Variants in TAF1 observed in about 807,000 individuals in gnomAD.
TAF1 encodes the protein transcription initiation factor TFIID subunit 1.
A neutral mutation model predicts 138.5 loss-of-function variants in TAF1; 2 were observed. The observed-to-expected ratio is 0.01, with a 90% CI of 0.01 to 0.05. The LOEUF (loss-of-function observed/expected upper bound fraction) is 0.05. Ranked by LOEUF, TAF1 falls within the 10% of genes least tolerant of loss-of-function variation. The pLI is 1.00. For synonymous variants in TAF1, 437 were observed against 503.2 expected (o/e 0.87, Z 1.76); for missense variants, 709 against 1,478.0 (o/e 0.48, Z 8.53).
chrX:71,525,691 C>T (rs1321699382), intron 13 of TAF1, among the ~76,000 whole-genome samples: 1 of 109,069 alleles, frequency 9.2e-6, no homozygotes, highest in Admixed American at 9.8e-5. Context: ...CTTGCTTGGT[C>T]GCCCAGGCTG....
At chrX:71,407,210 G>A (rs2148482863) in intron 26 of TAF1, among the ~76,000 whole-genome samples, 1 of 103,461 alleles carries the variant, frequency 9.7e-6, no homozygotes, top group Non-Finnish European at 2.0e-5. Flanking sequence ...ACCGTGCTCG[G>A]CAGATTTTTT....
chrX:71,443,022 A>T (rs2037506996), intron 32 of TAF1, among the ~76,000 whole-genome samples: 1 of 110,929 alleles, frequency 9.0e-6, no homozygotes, highest in Non-Finnish European at 1.9e-5. Flanking sequence ...ATTGGTCTGT[A>T]TCTGTTTTGG....
intron 28 of TAF1, among the ~76,000 whole-genome samples, chrX:71,412,081 A>G (rs987452102): frequency 2.8e-5 from 3 of 105,864 alleles, no homozygotes; most frequent in Admixed American, 1.0e-4. Context: ...CAGTTTTAAC[A>G]TGTCATCCAT....
chrX:71,434,976 A>T (rs1569343945), intron 32 of TAF1, among the ~76,000 whole-genome samples: 2 of 112,763 alleles, frequency 1.8e-5, no homozygotes, highest in Non-Finnish European at 3.7e-5. Flanking sequence ...CTGTGGCTAT[A>T]TCACCCTAAA....
At chrX:71,460,002 G>C (rs2038480813) in intron 36 of TAF1, among the ~76,000 whole-genome samples, 1 of 112,313 alleles carries the variant, frequency 8.9e-6, no homozygotes, top group Admixed American at 9.4e-5. Flanking sequence ...ACTTTGGGAA[G>C]CCAAGGTAGG....
intron 13 of TAF1, among the ~76,000 whole-genome samples, chrX:71,473,490 T>C (rs1427225401): frequency 9.1e-6 from 1 of 110,274 alleles, no homozygotes; most frequent in Non-Finnish European, 1.9e-5. Context: ...ATAGTGAGAA[T>C]ACATCTCTTA....
intron 13 of TAF1, among the ~76,000 whole-genome samples, chrX:71,512,696 T>C (rs972599442): frequency 9.0e-6 from 1 of 111,154 alleles, no homozygotes; most frequent in South Asian, 3.9e-4. Context: ...CTCATGACTG[T>C]AGTCCCAGCT....
chrX:71,530,514 G>A (rs1212986772), downstream of TAF1: 1 of 89,038 alleles, frequency 1.1e-5, no homozygotes, highest in East Asian at 3.8e-4. Flanking sequence ...AGAGACCCGA[G>A]TGGGTTGCTA....
At chrX:71,454,616 T>G (rs751798338) in intron 33 of TAF1, 125 bp from the exon 34 acceptor site, 1 of 573,253 alleles carries the variant, frequency 1.7e-6, no homozygotes, top group East Asian at 3.6e-5. Context: ...TTATTTTGAT[T>G]ATTATCTGTG....
chrX:71,502,954 GAAAAAC>G (rs911364444), intron 13 of TAF1, among the ~76,000 whole-genome samples: 1 of 108,082 alleles, frequency 9.3e-6, no homozygotes, highest in Non-Finnish European at 1.9e-5. Context: ...AAAAAAAAAA[GAAAAAC>G]AAAAACAAAA....
intron 32 of TAF1, among the ~76,000 whole-genome samples, chrX:71,442,838 A>G (rs10081838): frequency 0.017 from 1,886 of 111,819 alleles, 41 homozygotes; most frequent in African/African-American, 0.057. Flanking sequence ...TAATTTTTGT[A>G]TAAGGTGTAA....
chrX:71,486,568 C>T (rs1288713215), intron 13 of TAF1, among the ~76,000 whole-genome samples: 3 of 102,350 alleles, frequency 2.9e-5, no homozygotes, highest in Non-Finnish European at 2.0e-5. Flanking sequence ...CACCATGTTT[C>T]CCAGGCAGGT....
chrX:71,497,940 TC>T (rs1457448280), intron 13 of TAF1, among the ~76,000 whole-genome samples: 1 of 111,661 alleles, frequency 9.0e-6, no homozygotes, highest in Non-Finnish European at 1.9e-5. Flanking sequence ...TGGCCCTGGT[TC>T]CTCTGGCTAA....
At chrX:71,480,217 T>G (rs758008685) in intron 13 of TAF1, among the ~76,000 whole-genome samples, 14 of 110,097 alleles carry the variant, frequency 1.3e-4, no homozygotes, top group African/African-American at 4.6e-4. Flanking sequence ...AGACTGAGAC[T>G]GTCTCAAAAA....
chrX:71,377,592 C>T lies in TAF1; in HGVS notation c.715-11C>T, dbSNP rs2148229344. The T allele has an allele frequency of 1.7e-6, 2 of 1,207,932 alleles. No homozygotes were observed. Among genetic ancestry groups the T allele is most frequent in the South Asian group, 3.6e-5 (2 of 56,310 alleles). ...TGAGTCTGTGTCATAGTAATGTATT[C>T]TGTGTTCTAGGTGTTACGTTTTCTA... is the stretch of plus-strand genomic sequence containing the variant. On this transcript the variant is annotated splice_polypyrimidine_tract_variant and intron_variant, in intron 5 of 37. Transcript: ENST00000423759.
chrX:71,400,112 CAG>C (rs1227257003), intron 24 of TAF1, among the ~76,000 whole-genome samples: 3 of 105,232 alleles, frequency 2.9e-5, no homozygotes, highest in African/African-American at 7.0e-5. Context: ...TTTTTAGAGA[CAG>C]AGTCTTGCTT....
At position 71,459,330 on chromosome X, in the gene TAF1, A is replaced by G. The variant is rs1232899448; in HGVS notation, c.5065-222A>G. 2.8e-6 allele frequency: 3 copies of G among 1,053,013 alleles called. No individual in the cohort carries two copies. The Admixed American group carries it at 8.2e-5, about 29-fold the overall frequency. The allele number at this position is 1,053,013 out of a possible 1,213,427, so 86.8% of individuals were successfully genotyped here. A position where few individuals can be genotyped will look rare whatever the true frequency, so the allele number is the denominator to read the frequency against. ...GCCCCATCAGTACAGGCCAGGCCAA[A>G]TCCTAAGATGATATCAGGGGGTCTC... On this transcript the variant is annotated intron_variant, in intron 35 of 37. Coordinates refer to ENST00000423759, the MANE Select transcript of TAF1 (RefSeq NM_004606.5).
At chrX:71,504,754 AAAAAAAAAAAAAAAAAAAAGAAAAG>A (rs1410334212) in intron 13 of TAF1, among the ~76,000 whole-genome samples, 2 of 100,434 alleles carry the variant, frequency 2.0e-5, no homozygotes, top group African/African-American at 7.4e-5. Context: ...AAAAAAAAAA[AAAAAAAAAAAAAAAAAAAAGAAAAG>A]AAAAAAGAAA....
In TAF1 at chrX:71,465,869, C is replaced by G. The variant is rs2038738575; in HGVS notation, c.*1823C>G. On this transcript the variant is annotated 3_prime_UTR_variant, in exon 38 of 38. Coordinates refer to ENST00000423759, the MANE Select transcript of TAF1 (RefSeq NM_004606.5). ...CTAACTGTTCACAATGATAACCCCC[C>G]AGGAATGGGATTGGAGGGGAGGGGG... 1 of 112,302 alleles carries G rather than the reference C, an allele frequency of 8.9e-6. No individual in the cohort carries two copies. The highest frequency in any genetic ancestry group is 1.9e-5 in the Non-Finnish European group (1 of 53,288). The allele number at this position is 112,302 out of a possible 1,213,427, so 9.3% of individuals were successfully genotyped here.
Sources: gnomAD v4.1 joint callset for allele counts (sites outside exome capture counted in the v4.1 genomes callset) on GRCh38, gnomAD v4.1.1 for gene constraint, MANE v1.5 for transcripts, NCBI Gene and HGNC (gene_info 2026-07-23, HGNC 2026-07-21) for gene names.